Variants in SLC24A2 observed in about 807,000 individuals in gnomAD.
The protein encoded by SLC24A2 is solute carrier family 24 member 2, also known as sodium/potassium/calcium exchanger 2.
In SLC24A2, 36 loss-of-function variants were observed where a neutral mutation model predicts 62.0. That is an observed-to-expected ratio of 0.58 (90% CI 0.44 to 0.77). The LOEUF (loss-of-function observed/expected upper bound fraction) is 0.77, where lower values mean the gene tolerates loss of function less well. Among genes scored for constraint, SLC24A2 ranks in the 30% least tolerant of loss-of-function variants. The pLI is 0.00. For missense variants in SLC24A2, 846 were observed against 817.9 expected, an observed-to-expected ratio of 1.03 and a Z score of -0.42; for synonymous variants, 358 against 294.0, an observed-to-expected ratio of 1.22 and a Z score of -2.23.
intron 2 of SLC24A2, among the ~76,000 whole-genome samples, chr9:19,693,710 C>T (rs1461813964): frequency 2.0e-5 from 3 of 152,048 alleles, no homozygotes; most frequent in African/African-American, 7.2e-5. Context: ...TTTTAAGATG[C>T]TTCTCATGTA....
At chr9:20,107,286 T>A in the SLC24A2 span, among the ~76,000 whole-genome samples, 3 of 151,848 alleles carry the variant, frequency 2.0e-5, no homozygotes, top group African/African-American at 7.3e-5. Flanking sequence ...AATTTATAGA[T>A]TCAATGCCAT....
At chr9:20,295,736 G>C in the SLC24A2 span, among the ~76,000 whole-genome samples, 2 of 152,136 alleles carry the variant, frequency 1.3e-5, no homozygotes, top group African/African-American at 4.8e-5. Context: ...TGAGGCTTTT[G>C]ACCTTGGACA....
chr9:19,754,870 C>T (rs555057394), intron 2 of SLC24A2, among the ~76,000 whole-genome samples: 13 of 152,130 alleles, frequency 8.5e-5, no homozygotes, highest in Admixed American at 3.3e-4. Flanking sequence ...CAGTGAGGTC[C>T]GAGACATAGC....
the SLC24A2 span, among the ~76,000 whole-genome samples, chr9:19,873,552 T>TTCTTTCTTTCTTTC: frequency 6.7e-6 from 1 of 149,466 alleles, no homozygotes; most frequent in African/African-American, 2.5e-5. Flanking sequence ...CTTTCTTTCT[T>TTCTTTCTTTCTTTC]TCTCTCTCTC....
chr9:19,900,192 T>A, the SLC24A2 span, among the ~76,000 whole-genome samples: 2 of 152,228 alleles, frequency 1.3e-5, no homozygotes, highest in African/African-American at 2.4e-5. Flanking sequence ...ACTGCTTCTA[T>A]CTTTATGAGC....
In SLC24A2 at chr9:19,762,140, C is replaced by T. The variant is rs543738785; in HGVS notation, c.930+23797G>A. Among the ~76,000 whole-genome samples the T allele has an allele frequency of 2.6e-5, 4 of 152,116 alleles. No individual in the cohort carries two copies. In the South Asian group the frequency reaches 8.3e-4, roughly 32 times the overall value. ...GAGAAGTGTCTGTTCATATCCTTTGCCCACTTTTTGATGGGGTTGTTTTTT... is the reference window on the plus strand; with the variant it reads ...GAGAAGTGTCTGTTCATATCCTTTGTCCACTTTTTGATGGGGTTGTTTTTT... On this transcript the variant is annotated intron_variant, in intron 2 of 10. Transcript: ENST00000341998.
chr9:19,549,010 G>A (rs1834714424), intron 8 of SLC24A2, among the ~76,000 whole-genome samples: 1 of 152,174 alleles, frequency 6.6e-6, no homozygotes, highest in East Asian at 1.9e-4. Context: ...TTTCACCTCT[G>A]GGGCAATGGC....
the SLC24A2 span, among the ~76,000 whole-genome samples, chr9:20,134,478 T>G: frequency 1.3e-5 from 2 of 151,784 alleles, no homozygotes; most frequent in African/African-American, 4.8e-5. Context: ...TCCAGCAGAG[T>G]TGAGGCCATT....
At chr9:19,883,783 T>C in the SLC24A2 span, among the ~76,000 whole-genome samples, 1 of 152,252 alleles carries the variant, frequency 6.6e-6, no homozygotes, top group Non-Finnish European at 1.5e-5. Flanking sequence ...GCCAGGATGG[T>C]CTTGATCTCC....
At chr9:19,575,379 T>TTTTGACAACAC (rs2132849442) in intron 6 of SLC24A2, among the ~76,000 whole-genome samples, 1 of 152,280 alleles carries the variant, frequency 6.6e-6, no homozygotes, top group Non-Finnish European at 1.5e-5. Context: ...AAATTGACCC[T>TTTTGACAACAC]AGCAACACAA....
chr9:20,096,113 G>T, the SLC24A2 span, among the ~76,000 whole-genome samples: 1 of 147,824 alleles, frequency 6.8e-6, no homozygotes, highest in Non-Finnish European at 1.5e-5. Context: ...CCGTCCGTCC[G>T]TCCGTCCGTC....
intron 9 of SLC24A2, among the ~76,000 whole-genome samples, chr9:19,526,585 ACTT>A (rs1191235572): frequency 6.6e-6 from 1 of 152,056 alleles, no homozygotes; most frequent in Non-Finnish European, 1.5e-5. Flanking sequence ...TTTGATTTAC[ACTT>A]CTTTAATTAA....
intron 1 of SLC24A2, chr9:19,788,616 G>A: frequency 6.1e-6 from 6 of 985,400 alleles, no homozygotes; most frequent in Non-Finnish European, 7.2e-6. Flanking sequence ...GGGAATGGAA[G>A]CGCCCCTCTG....
the SLC24A2 span, among the ~76,000 whole-genome samples, chr9:19,865,121 A>C: frequency 1.3e-5 from 2 of 152,082 alleles, no homozygotes; most frequent in Non-Finnish European, 2.9e-5. Flanking sequence ...GAATCGACTT[A>C]ACCGAATGAA....
the SLC24A2 span, among the ~76,000 whole-genome samples, chr9:19,974,812 C>G: frequency 2.0e-5 from 3 of 152,154 alleles, no homozygotes; most frequent in Non-Finnish European, 4.4e-5. Context: ...AAGTACTTTC[C>G]AAACTACCAA....
the SLC24A2 span, among the ~76,000 whole-genome samples, chr9:20,245,689 C>A: frequency 6.6e-6 from 1 of 152,072 alleles, no homozygotes; most frequent in African/African-American, 2.4e-5. Flanking sequence ...TTAGGATGAA[C>A]AAAATGCAGG....
intron 2 of SLC24A2, among the ~76,000 whole-genome samples, chr9:19,771,436 C>T (rs974515021): frequency 2.0e-5 from 3 of 152,202 alleles, no homozygotes; most frequent in Non-Finnish European, 4.4e-5. Context: ...TTGTGGCTAT[C>T]CACTTAATTG....
At chr9:20,109,654 T>C in the SLC24A2 span, among the ~76,000 whole-genome samples, 1 of 152,186 alleles carries the variant, frequency 6.6e-6, no homozygotes, top group African/African-American at 2.4e-5. Flanking sequence ...TTTTGGAAAC[T>C]TGCTCCTGGT....
chr9:20,106,753 A>G, the SLC24A2 span, among the ~76,000 whole-genome samples: 4 of 152,174 alleles, frequency 2.6e-5, no homozygotes, highest in South Asian at 2.1e-4. Context: ...TACTGAATGG[A>G]CAAAAACTGG....
Sources: gnomAD v4.1 joint callset for allele counts (sites outside exome capture counted in the v4.1 genomes callset) on GRCh38, gnomAD v4.1.1 for gene constraint, MANE v1.5 for transcripts, NCBI Gene and HGNC (gene_info 2026-07-23, HGNC 2026-07-21) for gene names.